The following CNTLN variants were observed in gnomAD, a reference collection of about 807,000 sequenced individuals.
The protein encoded by CNTLN is centlein, centrosomal protein.
In CNTLN, 212 loss-of-function variants were observed where a neutral mutation model predicts 180.0. The ratio of observed to expected loss-of-function variants is 1.18; its 90% CI spans 1.05 to 1.32. The LOEUF (loss-of-function observed/expected upper bound fraction) is 1.32, where lower values mean the gene tolerates loss of function less well. CNTLN is among the 40% of genes most tolerant of loss of function. The probability of loss-of-function intolerance (pLI) is 0.00; values close to 1 mark genes in which losing one functional copy is unlikely to be tolerated. For missense variants in CNTLN, 2,095 were observed against 1,610.9 expected, an observed-to-expected ratio of 1.30 and a Z score of -5.14; for synonymous variants, 722 against 563.1, an observed-to-expected ratio of 1.28 and a Z score of -3.99.
chr9:17,208,964 T>G (rs557571390), intron 2 of CNTLN, among the ~76,000 whole-genome samples: 1 of 152,228 alleles, frequency 6.6e-6, no homozygotes, highest in Non-Finnish European at 1.5e-5. Context: ...GCTCTGATCT[T>G]TATTATTTCT....
At chr9:17,359,991 G>A (rs1313068026) in intron 12 of CNTLN, among the ~76,000 whole-genome samples, 1 of 151,926 alleles carries the variant, frequency 6.6e-6, no homozygotes, top group Non-Finnish European at 1.5e-5. Context: ...ATCTTGATGT[G>A]TCTTATTTTT....
At chr9:17,433,540 C>A (rs1284541439) in intron 18 of CNTLN, among the ~76,000 whole-genome samples, 1 of 152,106 alleles carries the variant, frequency 6.6e-6, no homozygotes, top group Non-Finnish European at 1.5e-5. Flanking sequence ...CCCACCTCGG[C>A]CTCCCAAAGT....
the CNTLN span, among the ~76,000 whole-genome samples, chr9:17,519,126 T>C: frequency 5.5e-4 from 83 of 152,200 alleles, no homozygotes; most frequent in African/African-American, 1.9e-3. Flanking sequence ...GAGGGCTTCA[T>C]TATGTTTCCC....
At chr9:17,399,279 G>A (rs1826780612) in intron 15 of CNTLN, among the ~76,000 whole-genome samples, 1 of 151,948 alleles carries the variant, frequency 6.6e-6, no homozygotes, top group South Asian at 2.1e-4. Context: ...TTGTTACAGG[G>A]GTCTCAAATG....
At chr9:17,212,241 T>C (rs1185096755) in intron 2 of CNTLN, among the ~76,000 whole-genome samples, 1 of 152,210 alleles carries the variant, frequency 6.6e-6, no homozygotes, top group Non-Finnish European at 1.5e-5. Context: ...CAATACCTAA[T>C]TTATTGAGAG....
At chr9:17,336,344 C>T (rs896589391) in intron 10 of CNTLN, among the ~76,000 whole-genome samples, 126 of 152,096 alleles carry the variant, frequency 8.3e-4, no homozygotes, top group African/African-American at 2.8e-3. Flanking sequence ...TGTATTCTGG[C>T]GCCATTAAAA....
At chr9:17,335,300 C>G (rs1338300011) in intron 10 of CNTLN, among the ~76,000 whole-genome samples, 1 of 152,104 alleles carries the variant, frequency 6.6e-6, no homozygotes, top group Non-Finnish European at 1.5e-5. Flanking sequence ...GGGTGGATCA[C>G]GAGTTCAAGA....
At chr9:17,367,477 T>C (rs1823927974) in intron 13 of CNTLN, among the ~76,000 whole-genome samples, 1 of 152,128 alleles carries the variant, frequency 6.6e-6, no homozygotes, top group Non-Finnish European at 1.5e-5. Context: ...ACCAGTGGAC[T>C]TGGGTGGCAT....
chr9:17,435,973 G>A (rs1829749801), intron 18 of CNTLN, among the ~76,000 whole-genome samples: 1 of 152,068 alleles, frequency 6.6e-6, no homozygotes, highest in South Asian at 2.1e-4. Context: ...TTAGAATGTG[G>A]CTGTGCCTCT....
chr9:17,511,943 T>A, the CNTLN span, among the ~76,000 whole-genome samples: 2 of 152,048 alleles, frequency 1.3e-5, no homozygotes, highest in African/African-American at 4.8e-5. Flanking sequence ...TACAACTACT[T>A]CTTGGTACCA....
intron 23 of CNTLN, among the ~76,000 whole-genome samples, chr9:17,470,341 T>TCC (rs1363947297): frequency 6.6e-6 from 1 of 151,972 alleles, no homozygotes; most frequent in Non-Finnish European, 1.5e-5. Flanking sequence ...CATGGAACAT[T>TCC]ATGATCACCA....
At chr9:17,247,938 C>T (rs1412712886) in intron 5 of CNTLN, among the ~76,000 whole-genome samples, 2 of 151,702 alleles carry the variant, frequency 1.3e-5, no homozygotes, top group Non-Finnish European at 2.9e-5. Context: ...TCAAACAATC[C>T]TCCAACCTCA....
chr9:17,508,358 G>A (rs969239199), downstream of CNTLN, among the ~76,000 whole-genome samples: 1 of 152,156 alleles, frequency 6.6e-6, no homozygotes, highest in Non-Finnish European at 1.5e-5. Context: ...CATAACCACA[G>A]TACACTGTCC....
chr9:17,423,807 C>T (rs1041249145), intron 18 of CNTLN, among the ~76,000 whole-genome samples: 10 of 152,204 alleles, frequency 6.6e-5, no homozygotes, highest in East Asian at 3.9e-4. Context: ...TGTTGTGTTC[C>T]GCTGTGACAG....
chr9:17,338,343 T>G (rs1587700835), intron 10 of CNTLN, among the ~76,000 whole-genome samples: 1 of 144,116 alleles, frequency 6.9e-6, no homozygotes, highest in East Asian at 2.0e-4. Context: ...TTTTGTTTTT[T>G]TTTTTTTTTT....
chr9:17,355,464 T>C (rs1822759340), intron 12 of CNTLN, among the ~76,000 whole-genome samples: 1 of 152,236 alleles, frequency 6.6e-6, no homozygotes, highest in African/African-American at 2.4e-5. Flanking sequence ...TTTATTCTTG[T>C]TGTAGCTTAT....
chr9:17,183,730 A>C (rs138810990), intron 2 of CNTLN, among the ~76,000 whole-genome samples: 3 of 152,204 alleles, frequency 2.0e-5, no homozygotes, highest in Admixed American at 6.5e-5. Flanking sequence ...CAATGCTGAG[A>C]TCAATAGTAT....
chr9:17,325,115 T>C (rs1379016526), intron 8 of CNTLN, among the ~76,000 whole-genome samples: 2 of 150,754 alleles, frequency 1.3e-5, no homozygotes. Context: ...CTTAGTTTTA[T>C]TTGTGAATTT....
Position 17,235,644 on chromosome 9 carries a change from A to G in CNTLN, c.535-14A>G. 1.3e-6 allele frequency: 2 copies of G among 1,545,854 alleles called. No homozygotes were observed. Among genetic ancestry groups the G allele is most frequent in the Non-Finnish European group, 1.7e-6 (2 of 1,153,344 alleles). ...AAATAAAAGCTCACCAGTAATTTAA[A>G]TTTTTTTCCACAGAGAGAGTCAGTA... On this transcript the variant is annotated splice_polypyrimidine_tract_variant and intron_variant, in intron 3 of 25. Coordinates refer to ENST00000380647, the MANE Select transcript of CNTLN (RefSeq NM_017738.4).
Sources: gnomAD v4.1 joint callset for allele counts (sites outside exome capture counted in the v4.1 genomes callset) on GRCh38, gnomAD v4.1.1 for gene constraint, MANE v1.5 for transcripts, NCBI Gene and HGNC (gene_info 2026-07-23, HGNC 2026-07-21) for gene names.